Variants in SAMD3 observed in about 807,000 individuals in gnomAD.
SAMD3 encodes sterile alpha motif domain-containing protein 3.
SAMD3 carries 63 observed loss-of-function variants against 58.5 expected under a neutral mutation model. The observed-to-expected ratio is 1.08, with a 90% CI of 0.88 to 1.33. SAMD3 has a LOEUF of 1.33. Among genes scored for constraint, SAMD3 ranks in the 40% most tolerant of loss-of-function variants. The probability of loss-of-function intolerance (pLI) is 0.00; values close to 1 mark genes in which losing one functional copy is unlikely to be tolerated. For missense variants in SAMD3, 604 were observed against 608.4 expected (o/e 0.99, Z 0.08); for synonymous variants, 220 against 210.3 (o/e 1.05, Z -0.40).
In SAMD3 at chr6:130,184,602, T is replaced by C; in HGVS notation, c.405A>G (p.Leu135=). The C allele has an allele frequency of 6.2e-7, 1 of 1,608,356 alleles. No individual in the cohort carries two copies. Among genetic ancestry groups the C allele is most frequent in the Non-Finnish European group, 8.5e-7 (1 of 1,177,472 alleles). The change falls in exon 6 of 12, where the codon CTA becomes CTG. Residue 135 remains leucine, a synonymous_variant. Coordinates refer to ENST00000439090, the MANE Select transcript of SAMD3 (RefSeq NM_001017373.4). ...LKQRRNVKQI[L]ARSKALQWTK... is the part of the protein sequence containing the mutation. ...TCCACTGTAATGCTTTGCTTCTTGC[T>C]AGAATTTGTTTCACATTTCTTCTGT...
In SAMD3 at chr6:130,144,758, AT is replaced by A; in HGVS notation, c.1324del (p.Met442TrpfsTer10). On this transcript the variant is annotated frameshift_variant, in exon 12 of 12. Transcript: ENST00000439090. LOFTEE classifies it high-confidence loss of function. ...PVLEVKNPFN[M>X]EVCEFSLYLE... Reference sequence around the variant, plus strand: ...ATATAAAGAAAATTCGCAGACCTCCATGTTGAAAGGGTTTTTAACTTCCAAC... The same window carrying A: ...ATATAAAGAAAATTCGCAGACCTCCAGTTGAAAGGGTTTTTAACTTCCAAC... The A allele has an allele frequency of 6.2e-7, 1 of 1,614,076 alleles. No individual in the cohort carries two copies. Among genetic ancestry groups the A allele is most frequent in the Non-Finnish European group, 8.5e-7 (1 of 1,179,970 alleles).
intron 5 of SAMD3, among the ~76,000 whole-genome samples, chr6:130,205,809 A>G (rs1303559481): frequency 2.0e-5 from 3 of 152,224 alleles, no homozygotes; most frequent in Non-Finnish European, 4.4e-5. Context: ...TACACAGAGG[A>G]AGGGCTCCGT....
At position 130,361,626 on chromosome 6, in the gene SAMD3, T is replaced by C. The variant is rs920081136; in HGVS notation, c.-304+3494A>G. Among the ~76,000 whole-genome samples the C allele has an allele frequency of 2.6e-5, 4 of 152,248 alleles. No individual in the cohort carries two copies. In the East Asian group the frequency reaches 7.7e-4, roughly 29 times the overall value. ...TAAGAAAAACCTTATTTTTCTTTAC[T>C]CTAGATCATGATTATGGATGGATAA... is the stretch of plus-strand genomic sequence containing the variant. On this transcript the variant is annotated intron_variant, in intron 1 of 13. Transcript: ENST00000368134.
At chr6:130,219,905 T>C (rs1032850892) in intron 1 of SAMD3, among the ~76,000 whole-genome samples, 5 of 152,248 alleles carry the variant, frequency 3.3e-5, no homozygotes, top group African/African-American at 1.2e-4. Context: ...GCAAGACTTA[T>C]CAGAGTTGTC....
At chr6:130,262,201 G>A (rs546323230) in intron 2 of SAMD3, among the ~76,000 whole-genome samples, 26 of 151,906 alleles carry the variant, frequency 1.7e-4, no homozygotes, top group Non-Finnish European at 3.4e-4. Context: ...GGCATATCTC[G>A]AAAGCACTGA....
At chr6:130,308,400 A>ATTCT (rs1562513107) in intron 2 of SAMD3, among the ~76,000 whole-genome samples, 281 of 136,960 alleles carry the variant, frequency 2.1e-3, no homozygotes, top group Middle Eastern at 3.8e-3. Context: ...ATTCTATTCT[A>ATTCT]TTCTATTCTA....
At chr6:130,339,283 G>A (rs989156710) in intron 1 of SAMD3, among the ~76,000 whole-genome samples, 1 of 152,130 alleles carries the variant, frequency 6.6e-6, no homozygotes, top group South Asian at 2.1e-4. Context: ...CCCTGACCTC[G>A]TGATCCACCC....
chr6:130,282,294 G>A (rs1428600492), intron 2 of SAMD3, among the ~76,000 whole-genome samples: 1 of 152,070 alleles, frequency 6.6e-6, no homozygotes, highest in African/African-American at 2.4e-5. Context: ...GTCTTAAGGA[G>A]ATAACAAACA....
intron 2 of SAMD3, among the ~76,000 whole-genome samples, chr6:130,239,382 C>A (rs912849888): frequency 2.6e-5 from 4 of 151,990 alleles, no homozygotes; most frequent in Non-Finnish European, 4.4e-5. Context: ...TATTGAGGCA[C>A]TTATATAAGC....
intron 2 of SAMD3, among the ~76,000 whole-genome samples, chr6:130,259,728 C>T (rs561372520): frequency 6.6e-6 from 1 of 152,238 alleles, no homozygotes; most frequent in South Asian, 2.1e-4. Flanking sequence ...TTTGAGATAA[C>T]TGTGCACTCA....
chr6:130,260,457 C>T (rs185277861), intron 2 of SAMD3, among the ~76,000 whole-genome samples: 1 of 152,342 alleles, frequency 6.6e-6, no homozygotes, highest in African/African-American at 2.4e-5. Flanking sequence ...CACGGACCCC[C>T]ATAGAGTTGT....
intron 1 of SAMD3, among the ~76,000 whole-genome samples, chr6:130,332,411 T>C (rs929209394): frequency 6.6e-6 from 1 of 150,468 alleles, no homozygotes; most frequent in African/African-American, 2.5e-5. Context: ...GGGTTAGAGG[T>C]AAAGTCAGAG....
downstream of SAMD3, chr6:130,142,791 A>C (rs1788343726): frequency 6.6e-6 from 1 of 152,208 alleles, no homozygotes; most frequent in African/African-American, 2.4e-5. Flanking sequence ...CTGTCATTCA[A>C]CTTCAGCCAT....
chr6:130,158,875 G>A (rs1473105028), intron 8 of SAMD3, among the ~76,000 whole-genome samples: 1 of 152,176 alleles, frequency 6.6e-6, no homozygotes, highest in African/African-American at 2.4e-5. Context: ...AGTCTGATTG[G>A]TTGTGGAAGG....
At chr6:130,241,268 T>C (rs925064230) in intron 2 of SAMD3, among the ~76,000 whole-genome samples, 3 of 143,166 alleles carry the variant, frequency 2.1e-5, no homozygotes. Flanking sequence ...TGGAGTGCAA[T>C]GGCGCAGTCT....
chr6:130,272,683 A>G (rs1175057167), intron 2 of SAMD3, among the ~76,000 whole-genome samples: 1 of 152,184 alleles, frequency 6.6e-6, no homozygotes, highest in South Asian at 2.1e-4. Context: ...TAGTTGGTGT[A>G]CAACATTGAA....
intron 2 of SAMD3, among the ~76,000 whole-genome samples, chr6:130,260,961 GTTTGGT>G (rs200581017): frequency 1.3e-5 from 2 of 152,004 alleles, no homozygotes; most frequent in Non-Finnish European, 2.9e-5. Flanking sequence ...CGGCACTTTG[GTTTGGT>G]TTTGGTTTTG....
chr6:130,250,611 C>A (rs1773706284), intron 2 of SAMD3, among the ~76,000 whole-genome samples: 1 of 152,192 alleles, frequency 6.6e-6, no homozygotes, highest in Admixed American at 6.5e-5. Flanking sequence ...TCTATCATCT[C>A]CCCAAGCAAC....
intron 1 of SAMD3, among the ~76,000 whole-genome samples, chr6:130,356,989 C>A (rs2115042035): frequency 6.6e-6 from 1 of 152,212 alleles, no homozygotes; most frequent in African/African-American, 2.4e-5. Flanking sequence ...CGGACTTTTA[C>A]CTTTGTATCT....
Sources: gnomAD v4.1 joint callset for allele counts (sites outside exome capture counted in the v4.1 genomes callset) on GRCh38, gnomAD v4.1.1 for gene constraint, MANE v1.5 for transcripts, NCBI Gene and HGNC (gene_info 2026-07-23, HGNC 2026-07-21) for gene names.